The following FAF1 variants were observed in gnomAD, a reference collection of about 807,000 sequenced individuals.
The protein encoded by FAF1 is Fas associated factor 1, also known as FAS-associated factor 1.
FAF1 carries 25 observed loss-of-function variants against 92.5 expected under a neutral mutation model. The ratio of observed to expected loss-of-function variants is 0.27; its 90% confidence interval spans 0.20 to 0.38. FAF1 has a LOEUF of 0.38. Ranked by LOEUF, FAF1 falls within the 10% of genes least tolerant of loss-of-function variation. FAF1 has a pLI of 1.00. For synonymous variants in FAF1, 234 were observed against 273.2 expected (o/e 0.86, Z 1.42); for missense variants, 636 against 793.3 (o/e 0.80, Z 2.38).
chr1:50,942,257 T>C (rs1045653815), intron 1 of FAF1, among the ~76,000 whole-genome samples: 3 of 152,144 alleles, frequency 2.0e-5, no homozygotes, highest in Non-Finnish European at 2.9e-5. Flanking sequence ...TGCCAATACT[T>C]TGGGAGGCCG....
intron 8 of FAF1, among the ~76,000 whole-genome samples, chr1:50,611,896 A>G (rs1352558615): frequency 6.6e-6 from 1 of 152,172 alleles, no homozygotes; most frequent in East Asian, 1.9e-4. Flanking sequence ...GGCAGAGCTC[A>G]TGGAAACTGG....
chr1:50,488,964 G>A (rs1572778918), intron 17 of FAF1, among the ~76,000 whole-genome samples: 1 of 152,130 alleles, frequency 6.6e-6, no homozygotes, highest in African/African-American at 2.4e-5. Flanking sequence ...ACTCACAACA[G>A]TTTTGACATG....
chr1:50,536,645 A>G (rs1648498128), intron 14 of FAF1, among the ~76,000 whole-genome samples: 2 of 152,194 alleles, frequency 1.3e-5, no homozygotes, highest in South Asian at 4.1e-4. Flanking sequence ...GAGTTACAGG[A>G]CAAATGCTAT....
chr1:50,761,979 A>C (rs1463824345), intron 4 of FAF1, among the ~76,000 whole-genome samples: 1 of 152,174 alleles, frequency 6.6e-6, no homozygotes, highest in Non-Finnish European at 1.5e-5. Context: ...CTGATAAGCA[A>C]CTTCAGCAAA....
chr1:50,800,676 C>A (rs1262949382), intron 3 of FAF1, among the ~76,000 whole-genome samples: 1 of 152,140 alleles, frequency 6.6e-6, no homozygotes, highest in Non-Finnish European at 1.5e-5. Flanking sequence ...TTGCTTCCAT[C>A]CTAAATATAT....
chr1:50,444,911 G>A (rs956470964), intron 18 of FAF1, among the ~76,000 whole-genome samples: 2 of 151,848 alleles, frequency 1.3e-5, no homozygotes, highest in African/African-American at 4.8e-5. Context: ...TTGGGGAAAT[G>A]GAGGTAGGGA....
intron 2 of FAF1, chr1:50,846,831 A>G: frequency 1.6e-6 from 1 of 607,906 alleles, no homozygotes; most frequent in Non-Finnish European, 3.0e-6. Flanking sequence ...CACAAAGAAG[A>G]GGAAGAAGTG....
intron 2 of FAF1, among the ~76,000 whole-genome samples, chr1:50,816,799 T>C (rs1351184778): frequency 1.3e-5 from 2 of 152,206 alleles, no homozygotes; most frequent in Non-Finnish European, 2.9e-5. Context: ...TTCTTCTAGA[T>C]TCTTATAGTT....
At chr1:50,569,682 A>C (rs1312464711) in intron 12 of FAF1, among the ~76,000 whole-genome samples, 3 of 152,156 alleles carry the variant, frequency 2.0e-5, no homozygotes, top group Admixed American at 6.5e-5. Flanking sequence ...GCAATGGCTA[A>C]ATCTTTAAAA....
At chr1:50,787,419 G>A (rs1661399633) in intron 4 of FAF1, among the ~76,000 whole-genome samples, 1 of 152,188 alleles carries the variant, frequency 6.6e-6, no homozygotes, top group Non-Finnish European at 1.5e-5. Flanking sequence ...GATGAAGGGA[G>A]TCTGTCCCTT....
chr1:50,446,131 A>C (rs1646224824), intron 18 of FAF1, among the ~76,000 whole-genome samples: 1 of 152,202 alleles, frequency 6.6e-6, no homozygotes, highest in African/African-American at 2.4e-5. Flanking sequence ...ATGCCAAATT[A>C]TCTAACCCCT....
chr1:50,646,618 G>A (rs530015169), intron 8 of FAF1, among the ~76,000 whole-genome samples: 1 of 152,156 alleles, frequency 6.6e-6, no homozygotes, highest in African/African-American at 2.4e-5. Flanking sequence ...CCCTTTCACT[G>A]AGAAGTCATT....
chr1:50,884,022 G>C (rs1198119763), intron 1 of FAF1, among the ~76,000 whole-genome samples: 1 of 152,036 alleles, frequency 6.6e-6, no homozygotes, highest in African/African-American at 2.4e-5. Flanking sequence ...CTACTCGGGA[G>C]GCTGAGGCAG....
chr1:50,655,628 C>A, intron 7 of FAF1, 100 bp from the exon 8 acceptor site: 1 of 699,554 alleles, frequency 1.4e-6, no homozygotes, highest in Non-Finnish European at 2.3e-6. Flanking sequence ...TTGTTTTCTT[C>A]TAGATTCAAA....
chr1:50,766,617 A>C (rs1165481920), intron 4 of FAF1, among the ~76,000 whole-genome samples: 1 of 152,020 alleles, frequency 6.6e-6, no homozygotes, highest in East Asian at 1.9e-4. Context: ...TGCTGGACCA[A>C]AGGGGTAGGA....
chr1:50,601,394 C>CT (rs1018616154), intron 8 of FAF1, among the ~76,000 whole-genome samples: 2 of 152,086 alleles, frequency 1.3e-5, no homozygotes, highest in African/African-American at 4.8e-5. Flanking sequence ...AATTAGTAGG[C>CT]TGGGCGTGGT....
intron 13 of FAF1, among the ~76,000 whole-genome samples, chr1:50,547,323 A>T (rs1649071851): frequency 6.6e-6 from 1 of 152,226 alleles, no homozygotes. Context: ...ATTTAACCTA[A>T]AAAAGCATAT....
At chr1:50,721,225 G>C (rs555437289) in intron 6 of FAF1, among the ~76,000 whole-genome samples, 3 of 151,088 alleles carry the variant, frequency 2.0e-5, no homozygotes, top group African/African-American at 7.3e-5. Context: ...CTGGAGATAA[G>C]TCTCACCACC....
intron 8 of FAF1, among the ~76,000 whole-genome samples, chr1:50,612,065 G>GT (rs1188508814): frequency 3.3e-5 from 5 of 152,288 alleles, no homozygotes; most frequent in African/African-American, 9.6e-5. Context: ...CATAATTTCA[G>GT]TATCTTAATA....
Sources: allele counts gnomAD v4.1 joint callset (sites outside exome capture counted in the v4.1 genomes callset), GRCh38; gene constraint gnomAD v4.1.1; transcripts MANE v1.5; gene names NCBI Gene and HGNC (gene_info 2026-07-23, HGNC 2026-07-21).